UVSSA: variants seen among roughly 807,000 people sequenced by gnomAD.
The protein encoded by UVSSA is UV stimulated scaffold protein A.
A neutral mutation model predicts 73.9 loss-of-function variants in UVSSA; 72 were observed. That is an observed-to-expected ratio of 0.97 (90% CI 0.81 to 1.19). UVSSA has a LOEUF of 1.19. UVSSA is among the 50% of genes most tolerant of loss of function. UVSSA has a pLI of 0.00. For missense variants in UVSSA, 1,150 were observed against 965.0 expected (o/e 1.19, Z -2.54); for synonymous variants, 454 against 391.3 (o/e 1.16, Z -1.89).
In UVSSA at chr4:1,384,126, G is replaced by A. The variant is rs944353898; in HGVS notation, c.2036+186G>A. ...GGGGCAGTGCCAGCCAGCAGGGGCA[G>A]CAGGCAGGTCTGCTCAGGAACGCCC... On this transcript the variant is annotated intron_variant, in intron 13 of 13. Coordinates refer to ENST00000389851, the MANE Select transcript of UVSSA (RefSeq NM_020894.4). 1.2e-5 allele frequency: 9 copies of A among 724,716 alleles called. No individual in the cohort carries two copies. In the East Asian group the frequency reaches 2.5e-4, roughly 20 times the overall value. The allele number at this position is 724,716 out of a possible 1,614,324, so 44.9% of individuals were successfully genotyped here.
intron 3 of UVSSA, among the ~76,000 whole-genome samples, chr4:1,350,524 C>A (rs1229898831): frequency 6.6e-6 from 1 of 152,254 alleles, no homozygotes; most frequent in Non-Finnish European, 1.5e-5. Flanking sequence ...CACTGCTCTC[C>A]TACCTGTGAG....
intron 5 of UVSSA, chr4:1,354,458 G>A (rs1466998071): frequency 2.1e-5 from 10 of 468,066 alleles, no homozygotes; most frequent in East Asian, 3.9e-5. Flanking sequence ...GGGTGGTCTC[G>A]CCCTCCAGAT....
chr4:1,384,230 A>G lies in UVSSA; in HGVS notation c.2036+290A>G, dbSNP rs1055086636. On this transcript the variant is annotated intron_variant, in intron 13 of 13. Transcript: ENST00000389851. ...CTTCCTGGGGGAGCCATGCCAGGAC[A>G]CAGGCCTTGGCTGGTGCAGAGTGAG... 10 of 452,692 alleles carry G rather than the reference A, an allele frequency of 2.2e-5. No individual in the cohort carries two copies. The Admixed American group carries it at 3.7e-4, about 17-fold the overall frequency. The allele number at this position is 452,692 out of a possible 1,614,324, so 28.0% of individuals were successfully genotyped here. A position where few individuals can be genotyped will look rare whatever the true frequency, so the allele number is the denominator to read the frequency against.
chr4:1,391,266 G>A (rs1156490124), downstream of UVSSA: 1 of 152,540 alleles, frequency 6.6e-6, no homozygotes, highest in Non-Finnish European at 1.5e-5. Flanking sequence ...TGTTGGGTCA[G>A]AGGTTGGTTT....
chr4:1,371,339 T>C (rs13118159), intron 8 of UVSSA, among the ~76,000 whole-genome samples: 82,350 of 151,378 alleles, frequency 0.54, 23,398 homozygotes, highest in African/African-American at 0.65. Flanking sequence ...AGCTCTCTGG[T>C]GGCCTCTGTT....
upstream of UVSSA, among the ~76,000 whole-genome samples, chr4:1,346,936 A>T (rs995460474): frequency 2.0e-5 from 3 of 152,068 alleles, no homozygotes; most frequent in African/African-American, 7.2e-5. Flanking sequence ...GAGCGCGCCT[A>T]CGTCACCGCG....
At chr4:1,354,929 C>A in intron 6 of UVSSA, 82 bp downstream of exon 6, 5 of 1,525,386 alleles carry the variant, frequency 3.3e-6, no homozygotes, top group South Asian at 1.2e-5. Flanking sequence ...CTTGGGGGGA[C>A]TGTGGCCCGG....
upstream of UVSSA, among the ~76,000 whole-genome samples, chr4:1,346,674 G>A (rs1246985411): frequency 5.9e-5 from 9 of 152,012 alleles, no homozygotes; most frequent in East Asian, 1.9e-4. Flanking sequence ...GAGCTCGGGG[G>A]CGGGGGCCCG....
intron 8 of UVSSA, among the ~76,000 whole-genome samples, chr4:1,371,849 G>C (rs767815012): frequency 6.6e-6 from 1 of 152,164 alleles, no homozygotes; most frequent in Non-Finnish European, 1.5e-5. Context: ...GAAATCTCAC[G>C]GCATCTCTTA....
intron 10 of UVSSA, among the ~76,000 whole-genome samples, chr4:1,376,423 G>C (rs1718778401): frequency 6.6e-6 from 1 of 152,200 alleles, no homozygotes; most frequent in Non-Finnish European, 1.5e-5. Flanking sequence ...TGGGTGTTAT[G>C]AATCTTGTGG....
chr4:1,376,456 TC>T (rs35372926), intron 10 of UVSSA, among the ~76,000 whole-genome samples: 3 of 152,076 alleles, frequency 2.0e-5, no homozygotes, highest in African/African-American at 7.2e-5. Context: ...GAGAAACCAC[TC>T]CCCTAAAGGC....
chr4:1,351,950 G>GC, intron 4 of UVSSA, 115 bp downstream of exon 4: 1 of 1,488,026 alleles, frequency 6.7e-7, no homozygotes, highest in Non-Finnish European at 9.0e-7. Flanking sequence ...TTTGAGACAG[G>GC]CTAGGTGGAG....
intron 10 of UVSSA, 34 bp from the exon 11 acceptor site, chr4:1,380,013 C>T: frequency 6.4e-7 from 1 of 1,564,652 alleles, no homozygotes; most frequent in Non-Finnish European, 8.7e-7. Flanking sequence ...GGGGTCCCTG[C>T]AGATGCTATG....
chr4:1,377,539 G>A (rs532806299), intron 10 of UVSSA, among the ~76,000 whole-genome samples: 7 of 152,116 alleles, frequency 4.6e-5, no homozygotes, highest in Non-Finnish European at 8.8e-5. Flanking sequence ...GTGCCCCAAG[G>A]CCAGTGCTTG....
At chr4:1,347,943 TCCCAGAGAGGCA>T in intron 1 of UVSSA, 135 bp from the exon 2 acceptor site, 1 of 673,836 alleles carries the variant, frequency 1.5e-6, no homozygotes, top group Non-Finnish European at 2.6e-6. Context: ...CACACATATT[TCCCAGAGAGGCA>T]CCCACAGATG....
At chr4:1,383,162 G>A (rs1277513764) in intron 12 of UVSSA, among the ~76,000 whole-genome samples, 2 of 152,182 alleles carry the variant, frequency 1.3e-5, no homozygotes, top group African/African-American at 2.4e-5. Context: ...GACAATGCAC[G>A]GCTTGCTTGG....
Position 1,383,947 on chromosome 4 carries a change from G to A in UVSSA, c.2036+7G>A. On this transcript the variant is annotated splice_region_variant and intron_variant, in intron 13 of 13. Coordinates refer to ENST00000389851, the MANE Select transcript of UVSSA (RefSeq NM_020894.4). ...GGAGAAAAGTCTTCGCCAAGTAAGA[G>A]TGGCTGCTGGGTCACCTCCCACCGC... 5.0e-6 allele frequency: 8 copies of A among 1,607,488 alleles called. No individual in the cohort carries two copies. The highest frequency in any genetic ancestry group is 6.8e-6 in the Non-Finnish European group (8 of 1,177,498).
At position 1,366,336 on chromosome 4, in the gene UVSSA, A is replaced by G. The variant is rs1257102613; in HGVS notation, c.1193A>G (p.Asp398Gly). 3.7e-6 allele frequency: 6 copies of G among 1,612,300 alleles called. No homozygotes were observed. Among genetic ancestry groups the G allele is most frequent in the Non-Finnish European group, 5.1e-6 (6 of 1,179,162 alleles). The change falls in exon 8 of 14, where the codon GAT becomes GGT. Residue 398 changes from aspartate (D) to glycine (G), a missense_variant. Physicochemically the swap from Asp to Gly is moderately conservative, Grantham distance 94. Transcript: ENST00000389851. Reference sequence around the variant, plus strand: ...TTTCCACAGACAGAAGCCCTGGGGGATGCGGAGGAAGATGAGGACGATGAG... The same window carrying G: ...TTTCCACAGACAGAAGCCCTGGGGGGTGCGGAGGAAGATGAGGACGATGAG... ...GERRRTEALG[D>G]AEEDEDDEDF...
intron 8 of UVSSA, among the ~76,000 whole-genome samples, chr4:1,372,489 C>A (rs981129766): frequency 1.1e-4 from 17 of 152,180 alleles, no homozygotes; most frequent in Non-Finnish European, 2.4e-4. Flanking sequence ...ATGTGTTTCT[C>A]AATTTCTGTA....
Sources: allele counts gnomAD v4.1 joint callset (sites outside exome capture counted in the v4.1 genomes callset), GRCh38; gene constraint gnomAD v4.1.1; transcripts MANE v1.5; gene names NCBI Gene and HGNC (gene_info 2026-07-23, HGNC 2026-07-21).